The following ARSJ variants were observed in gnomAD, a reference collection of about 807,000 sequenced individuals.
ARSJ encodes the protein arylsulfatase family member J, also known as arylsulfatase J.
A neutral mutation model predicts 35.9 loss-of-function variants in ARSJ; 26 were observed. The observed-to-expected ratio is 0.72, with a 90% CI of 0.53 to 1.00. ARSJ has a LOEUF of 1.00. Ranked by LOEUF, ARSJ falls within the 50% of genes least tolerant of loss-of-function variation. ARSJ has a pLI of 0.00. For missense variants in ARSJ, 667 were observed against 723.6 expected, an observed-to-expected ratio of 0.92 and a Z score of 0.90; for synonymous variants, 294 against 267.6, an observed-to-expected ratio of 1.10 and a Z score of -0.96.
At chr4:113,916,246 T>A (rs1324191190) in intron 1 of ARSJ, among the ~76,000 whole-genome samples, 1 of 152,176 alleles carries the variant, frequency 6.6e-6, no homozygotes, top group African/African-American at 2.4e-5. Context: ...CCGGCCTACC[T>A]TTTCTATTGA....
chr4:113,928,807 A>C (rs1271174518), intron 1 of ARSJ, among the ~76,000 whole-genome samples: 6 of 152,136 alleles, frequency 3.9e-5, no homozygotes, highest in African/African-American at 1.4e-4. Flanking sequence ...CTGTTTTGCA[A>C]GGCATTGGTC....
intron 1 of ARSJ, among the ~76,000 whole-genome samples, chr4:113,936,831 C>A (rs369006039): frequency 1.3e-5 from 2 of 151,876 alleles, no homozygotes; most frequent in Admixed American, 6.6e-5. Context: ...TTAAAAAAAT[C>A]ACCTCTGAGA....
chr4:113,956,074 C>T (rs1480587015), intron 1 of ARSJ, among the ~76,000 whole-genome samples: 3 of 151,978 alleles, frequency 2.0e-5, no homozygotes, highest in South Asian at 2.1e-4. Flanking sequence ...CTCAGCCTCC[C>T]GAGTAGCTGG....
At chr4:113,918,818 G>C (rs1594407665) in intron 1 of ARSJ, among the ~76,000 whole-genome samples, 1 of 151,814 alleles carries the variant, frequency 6.6e-6, no homozygotes, top group Non-Finnish European at 1.5e-5. Flanking sequence ...TTTGAGACAG[G>C]GTCTCATTCT....
intron 1 of ARSJ, among the ~76,000 whole-genome samples, chr4:113,912,058 C>T (rs1297926705): frequency 2.0e-5 from 3 of 152,074 alleles, no homozygotes; most frequent in Admixed American, 1.3e-4. Flanking sequence ...TAGTGGAATG[C>T]AATGTTACCA....
At chr4:113,963,631 T>C (rs893582365) in intron 1 of ARSJ, among the ~76,000 whole-genome samples, 1 of 151,916 alleles carries the variant, frequency 6.6e-6, no homozygotes, top group Non-Finnish European at 1.5e-5. Context: ...CAAACCATAA[T>C]CACCCAGTGT....
intron 1 of ARSJ, among the ~76,000 whole-genome samples, chr4:113,972,766 C>T (rs1157879885): frequency 1.3e-5 from 2 of 152,184 alleles, no homozygotes; most frequent in African/African-American, 4.8e-5. Context: ...CTTCCCTGGA[C>T]AGCCCCTGTA....
At chr4:113,926,091 A>G (rs1007606352) in intron 1 of ARSJ, among the ~76,000 whole-genome samples, 1 of 152,124 alleles carries the variant, frequency 6.6e-6, no homozygotes, top group Non-Finnish European at 1.5e-5. Flanking sequence ...CTATCCCTTG[A>G]TTATTAAAAT....
At chr4:113,956,425 G>A (rs1726184540) in intron 1 of ARSJ, among the ~76,000 whole-genome samples, 1 of 151,942 alleles carries the variant, frequency 6.6e-6, no homozygotes, top group Admixed American at 6.6e-5. Flanking sequence ...AGAAATCGGT[G>A]GGACCACACA....
chr4:113,902,489 T>C lies in ARSJ; in HGVS notation c.1585A>G (p.Thr529Ala). Reference protein sequence around the residue: ...LLRRLSQFNKTAVPVRYPPKD... With the variant: ...LLRRLSQFNKAAVPVRYPPKD... The stretch of plus-strand genomic sequence containing the variant: ...GGGGGATACCTGACCGGCACTGCAG[T>C]TTTGTTGAACTGTGAGAGCCTCCGT... The change falls in exon 2 of 2, where the codon ACT (threonine) becomes GCT (alanine). Residue 529 changes from threonine to alanine, a missense_variant. Physicochemically the swap from Thr to Ala is moderately conservative, Grantham distance 58. Transcript: ENST00000315366. The C allele has an allele frequency of 6.2e-7, 1 of 1,614,116 alleles. No individual in the cohort carries two copies. The highest frequency in any genetic ancestry group is 8.5e-7 in the Non-Finnish European group (1 of 1,180,012).
At chr4:113,903,725 T>G in intron 1 of ARSJ, 50 bp from the exon 2 acceptor site, 1 of 1,518,442 alleles carries the variant, frequency 6.6e-7, no homozygotes, top group Non-Finnish European at 8.9e-7. Context: ...AAAGAGATAT[T>G]CTACATAAAA....
rs186368771 is a variant in ARSJ, at chr4:113,905,760, C to T, written c.399-2085G>A. Among the ~76,000 whole-genome samples the T allele has an allele frequency of 2.6e-4, 39 of 148,490 alleles. No individual in the cohort carries two copies. The East Asian group carries it at 6.0e-3, about 23-fold the overall frequency. On this transcript the variant is annotated intron_variant, in intron 1 of 1. Coordinates refer to ENST00000315366, the MANE Select transcript of ARSJ (RefSeq NM_024590.4). ...TTGGCCCACTGCAACCTCTGCCTCC[C>T]GGGTTCAAATGATTCTCCTGCCTCA...
Position 113,902,685 on chromosome 4 carries a change from G to A in ARSJ, c.1389C>T (p.Tyr463=), listed in dbSNP as rs772622542. Residue 463 remains tyrosine (Y), a synonymous_variant, in exon 2 of 2, where the codon TAC becomes TAT. Transcript: ENST00000315366. The part of the protein sequence containing the change: ...HWKLLTGNPG[Y]SDWVPPQSFS... ...AAGACTGAGGGGGGACCCAGTCGCTGTAGCCAGGATTTCCTGTAAGCAATT... is the reference window on the plus strand; with the variant it reads ...AAGACTGAGGGGGGACCCAGTCGCTATAGCCAGGATTTCCTGTAAGCAATT... 19 of 1,614,112 alleles carry A rather than the reference G, an allele frequency of 1.2e-5. No homozygotes were observed. Among genetic ancestry groups the A allele is most frequent in the Non-Finnish European group, 1.6e-5 (19 of 1,180,044 alleles).
intron 1 of ARSJ, among the ~76,000 whole-genome samples, chr4:113,932,671 T>C (rs1210979897): frequency 6.6e-6 from 1 of 151,852 alleles, no homozygotes; most frequent in Non-Finnish European, 1.5e-5. Context: ...TGAAAACTGA[T>C]ATATAACATA....
Position 113,903,115 on chromosome 4 carries a change from CTGT to C in ARSJ, c.956_958del (p.Asn319del). On this transcript the variant is annotated inframe_deletion, in exon 2 of 2. Coordinates refer to ENST00000315366, the MANE Select transcript of ARSJ (RefSeq NM_024590.4). ...ATTATCTGAAGAGTAAATGATAATG[CTGT>C]TGTTATAGAAACCATAAGTCTTTAG... 1 of 1,614,160 alleles carries C rather than the reference CTGT, an allele frequency of 6.2e-7. No individual in the cohort carries two copies. The highest frequency in any genetic ancestry group is 8.5e-7 in the Non-Finnish European group (1 of 1,180,036).
At chr4:113,906,587 C>T in intron 1 of ARSJ, 1 of 301,636 alleles carries the variant, frequency 3.3e-6, no homozygotes, top group Non-Finnish European at 6.5e-6. Context: ...TGAGTTCCAG[C>T]CTCTATGGTG....
intron 1 of ARSJ, among the ~76,000 whole-genome samples, chr4:113,961,176 C>T (rs968095981): frequency 3.9e-5 from 6 of 152,040 alleles, no homozygotes; most frequent in African/African-American, 1.4e-4. Flanking sequence ...AGGCATCCAG[C>T]ACGTTGGAAG....
intron 1 of ARSJ, among the ~76,000 whole-genome samples, chr4:113,934,501 A>T (rs1206786679): frequency 6.6e-6 from 1 of 151,766 alleles, no homozygotes; most frequent in Non-Finnish European, 1.5e-5. Context: ...TAAATTTTGC[A>T]TGTTTCCACT....
chr4:113,925,668 T>C (rs2149261363), intron 1 of ARSJ, among the ~76,000 whole-genome samples: 1 of 152,230 alleles, frequency 6.6e-6, no homozygotes, highest in South Asian at 2.1e-4. Flanking sequence ...TCAGAGGCAA[T>C]GCTGTGTGGA....
Sources: allele counts gnomAD v4.1 joint callset (sites outside exome capture counted in the v4.1 genomes callset), GRCh38; gene constraint gnomAD v4.1.1; transcripts MANE v1.5; gene names NCBI Gene and HGNC (gene_info 2026-07-23, HGNC 2026-07-21).